The following SLC9B1 variants were observed in gnomAD, a reference collection of about 807,000 sequenced individuals.
SLC9B1 encodes the protein sodium/hydrogen exchanger 9B1.
Under a neutral mutation model 51.7 loss-of-function variants are expected in SLC9B1, and 32 were observed. That is an observed-to-expected ratio of 0.62 (90% confidence interval 0.47 to 0.83). The LOEUF (loss-of-function observed/expected upper bound fraction) is 0.83, where lower values mean the gene tolerates loss of function less well. Ranked by LOEUF, SLC9B1 falls within the 40% of genes least tolerant of loss-of-function variation. The pLI is 0.00. For missense variants in SLC9B1, 406 were observed against 613.2 expected (o/e 0.66, Z 3.57); for synonymous variants, 145 against 212.7 (o/e 0.68, Z 2.77).
In SLC9B1 at chr4:102,942,636, G is replaced by A. The variant is rs1161928902; in HGVS notation, c.653+2557C>T. On this transcript the variant is annotated intron_variant, in intron 6 of 11. Coordinates refer to ENST00000296422, the MANE Select transcript of SLC9B1 (RefSeq NM_139173.4). ...ATTGGCAAGCCATATGTAGAAGAAT[G>A]AAACTGGATCCTCATCTCTCACCTT... Among the ~76,000 whole-genome samples the A allele has an allele frequency of 6.6e-5, 10 of 152,320 alleles. No individual in the cohort carries two copies. In the East Asian group the frequency reaches 1.9e-3, roughly 29 times the overall value.
At chr4:103,009,153 T>C (rs1053300595) in intron 1 of SLC9B1, among the ~76,000 whole-genome samples, 2 of 152,230 alleles carry the variant, frequency 1.3e-5, no homozygotes, top group Non-Finnish European at 2.9e-5. Flanking sequence ...TACCAAGAAA[T>C]AGGCTGAAAG....
At chr4:102,894,968 C>A (rs1490567358) in intron 11 of SLC9B1, among the ~76,000 whole-genome samples, 2 of 151,982 alleles carry the variant, frequency 1.3e-5, no homozygotes, top group Non-Finnish European at 2.9e-5. Flanking sequence ...AAACATAAAT[C>A]TAAAATTATA....
In SLC9B1 at chr4:102,890,642, AC is replaced by A. The variant is rs1734194944; in HGVS notation, c.1333-5315del. ...GAGTACTTGATCTCAGGAGTACCAT[AC>A]CAGCTTGGGCAACGTGGTGAGATCT... On this transcript the variant is annotated intron_variant, in intron 11 of 11. Coordinates refer to the SLC9B1 transcript ENST00000394789. The A allele has an allele frequency of 2.0e-5, 3 of 152,030 alleles. No individual in the cohort carries two copies. In the South Asian group the frequency reaches 6.2e-4, roughly 32 times the overall value. 9.4% of individuals were successfully genotyped at this position (152,030 alleles called of 1,614,324 possible).
chr4:102,978,245 T>C (rs1739178250), intron 3 of SLC9B1, among the ~76,000 whole-genome samples: 1 of 152,224 alleles, frequency 6.6e-6, no homozygotes, highest in African/African-American at 2.4e-5. Flanking sequence ...TCTTTGCTAT[T>C]GTGAATAGCG....
chr4:102,937,522 C>T (rs1175580852), intron 6 of SLC9B1, among the ~76,000 whole-genome samples: 1 of 145,520 alleles, frequency 6.9e-6, no homozygotes, highest in Non-Finnish European at 1.5e-5. Context: ...GTCAAGAGAT[C>T]AAGACCATCC....
chr4:102,973,319 A>G (rs1483627910), intron 3 of SLC9B1, among the ~76,000 whole-genome samples: 7 of 152,134 alleles, frequency 4.6e-5, no homozygotes, highest in Non-Finnish European at 8.8e-5. Context: ...ATCAAAAACT[A>G]TAAGACAAAA....
chr4:102,912,043 G>T (rs1209273210), intron 7 of SLC9B1: 1 of 204,378 alleles, frequency 4.9e-6, no homozygotes, highest in Admixed American at 5.2e-5. Context: ...TGAGGGAGGA[G>T]AATCACTTGA....
intron 11 of SLC9B1, chr4:102,891,781 CAT>C (rs1734260048): frequency 1.3e-5 from 2 of 152,042 alleles, no homozygotes. Flanking sequence ...CAATTTAAGT[CAT>C]AATAAATTTT....
At chr4:102,899,012 A>G (rs1734666837), downstream of SLC9B1, among the ~76,000 whole-genome samples, 1 of 152,096 alleles carries the variant, frequency 6.6e-6, no homozygotes, top group Admixed American at 6.6e-5. Flanking sequence ...AAGTGCTGGG[A>G]TGGTGTGAGC....
intron 1 of SLC9B1, among the ~76,000 whole-genome samples, chr4:103,003,430 T>G (rs1250656967): frequency 6.6e-6 from 1 of 152,212 alleles, no homozygotes; most frequent in Admixed American, 6.5e-5. Flanking sequence ...TTACCTGTTT[T>G]TGTATTCAAT....
intron 3 of SLC9B1, among the ~76,000 whole-genome samples, chr4:102,979,485 C>G (rs911291238): frequency 6.6e-6 from 1 of 152,164 alleles, no homozygotes; most frequent in Non-Finnish European, 1.5e-5. Flanking sequence ...GAGGCAAGTC[C>G]TTCCTCATAG....
chr4:102,885,118 A>T (rs1404633207), exon 12 of SLC9B1: 1 of 1,004,094 alleles, frequency 1.0e-6, no homozygotes, highest in Non-Finnish European at 1.6e-6. Context: ...GAATTAATGT[A>T]AAAAGTAACA....
chr4:102,913,652 T>C (rs527668986), intron 7 of SLC9B1, among the ~76,000 whole-genome samples: 13 of 151,794 alleles, frequency 8.6e-5, no homozygotes, highest in Non-Finnish European at 1.3e-4. Flanking sequence ...AAACCAATCC[T>C]AAAGAAATAG....
At chr4:102,948,270 C>A (rs1158558999) in intron 4 of SLC9B1, among the ~76,000 whole-genome samples, 1 of 149,704 alleles carries the variant, frequency 6.7e-6, no homozygotes, top group Non-Finnish European at 1.5e-5. Context: ...GGACTCCCTC[C>A]CTAACACATT....
intron 7 of SLC9B1, among the ~76,000 whole-genome samples, chr4:102,930,735 T>C (rs1252066921): frequency 2.0e-5 from 3 of 152,190 alleles, no homozygotes; most frequent in African/African-American, 7.2e-5. Flanking sequence ...AAAATTTTTA[T>C]AGCAGCACAA....
intron 7 of SLC9B1, among the ~76,000 whole-genome samples, chr4:102,914,300 AT>A (rs1335467292): frequency 4.7e-5 from 7 of 149,068 alleles, no homozygotes; most frequent in African/African-American, 1.8e-4. Flanking sequence ...TAGTGATGTT[AT>A]CCCCAGGAGC....
chr4:102,971,163 AC>A (rs1738740996), intron 3 of SLC9B1, among the ~76,000 whole-genome samples: 1 of 152,212 alleles, frequency 6.6e-6, no homozygotes, highest in Non-Finnish European at 1.5e-5. Context: ...AGAACCCTCC[AC>A]CCTAAATCAA....
chr4:102,943,158 C>CAAAAAA (rs1475762867), intron 6 of SLC9B1, among the ~76,000 whole-genome samples: 7 of 111,380 alleles, frequency 6.3e-5, no homozygotes, highest in African/African-American at 1.4e-4. Flanking sequence ...TAGCCATAAT[C>CAAAAAA]AAAAAAATAA....
At chr4:102,920,813 G>A (rs1735835150) in intron 7 of SLC9B1, among the ~76,000 whole-genome samples, 1 of 152,176 alleles carries the variant, frequency 6.6e-6, no homozygotes, top group African/African-American at 2.4e-5. Context: ...GGGTATCAGT[G>A]ATTGAAGATC....
Sources: gnomAD v4.1 joint callset for allele counts (sites outside exome capture counted in the v4.1 genomes callset) on GRCh38, gnomAD v4.1.1 for gene constraint, MANE v1.5 for transcripts, NCBI Gene and HGNC (gene_info 2026-07-23, HGNC 2026-07-21) for gene names.